Variants in TMEM132D observed in about 807,000 individuals in gnomAD.
TMEM132D encodes the protein transmembrane protein 132D.
In TMEM132D, 21 loss-of-function variants were observed where a neutral mutation model predicts 62.3. That is an observed-to-expected ratio of 0.34 (90% CI 0.24 to 0.49). The LOEUF (loss-of-function observed/expected upper bound fraction) is 0.49. Ranked by LOEUF, TMEM132D falls within the 20% of genes least tolerant of loss-of-function variation. The probability of loss-of-function intolerance (pLI) is 0.99; values close to 1 mark genes in which losing one functional copy is unlikely to be tolerated. For missense variants in TMEM132D, 1,346 were observed against 1,402.8 expected (o/e 0.96, Z 0.65); for synonymous variants, 621 against 575.6 (o/e 1.08, Z -1.13).
At chr12:129,883,341 CTGAA>C (rs1874661779) in intron 1 of TMEM132D, among the ~76,000 whole-genome samples, 1 of 152,144 alleles carries the variant, frequency 6.6e-6, no homozygotes, top group African/African-American at 2.4e-5. Flanking sequence ...CATCTGTAGG[CTGAA>C]ACTAAAACAG....
chr12:129,537,015 A>G (rs12426453), intron 2 of TMEM132D, among the ~76,000 whole-genome samples: 71,560 of 151,694 alleles, frequency 0.47, 17,368 homozygotes, highest in African/African-American at 0.59. Context: ...AATTAGCCAG[A>G]TGTGGTGGTG....
chr12:129,484,722 C>A (rs1337552600), intron 3 of TMEM132D, among the ~76,000 whole-genome samples: 1 of 152,212 alleles, frequency 6.6e-6, no homozygotes, highest in Non-Finnish European at 1.5e-5. Context: ...TCATTTAAGG[C>A]ATGCTCTCCA....
chr12:129,549,174 C>T lies in TMEM132D; in HGVS notation c.969-17969G>A, dbSNP rs138516574. On this transcript the variant is annotated intron_variant, in intron 2 of 8. Transcript: ENST00000422113. ...GGGGGTGGTTCCCCCCTACTGTTCT[C>T]GTGGTAGTGAATAAGTCTCATGGGA... is the stretch of plus-strand genomic sequence containing the variant. 2.7e-3 allele frequency among the ~76,000 whole-genome samples: 414 copies of T among 151,186 alleles called. 1 individual carries two copies. Among genetic ancestry groups the T allele is most frequent in the Admixed American group, 5.4e-3 (82 of 15,124 alleles).
At chr12:129,444,655 T>C (rs1873042237) in intron 3 of TMEM132D, among the ~76,000 whole-genome samples, 1 of 152,062 alleles carries the variant, frequency 6.6e-6, no homozygotes, top group South Asian at 2.1e-4. Flanking sequence ...TGTTCCCCTC[T>C]CTTTGTCCGT....
intron 4 of TMEM132D, among the ~76,000 whole-genome samples, chr12:129,294,124 C>T (rs1033517953): frequency 1.2e-4 from 19 of 152,256 alleles, no homozygotes; most frequent in African/African-American, 4.3e-4. Context: ...TATGGATCAT[C>T]AATATTTATA....
chr12:129,548,890 C>G (rs973028186), intron 2 of TMEM132D, among the ~76,000 whole-genome samples: 1 of 152,266 alleles, frequency 6.6e-6, no homozygotes, highest in Non-Finnish European at 1.5e-5. Context: ...ATTTAAAAAG[C>G]TTCCAAAGAC....
intron 3 of TMEM132D, among the ~76,000 whole-genome samples, chr12:129,464,315 T>C (rs967573514): frequency 8.3e-4 from 126 of 152,324 alleles, no homozygotes; most frequent in Non-Finnish European, 1.3e-3. Context: ...CACTTTTTGA[T>C]GGGGTTGTTT....
chr12:129,219,914 G>A (rs78497815), intron 4 of TMEM132D, among the ~76,000 whole-genome samples: 1,990 of 152,196 alleles, frequency 0.013, 36 homozygotes, highest in African/African-American at 0.045. Flanking sequence ...AGCACAGTTC[G>A]CCTCTGTCTG....
At chr12:129,736,623 A>AT (rs1869433102) in intron 1 of TMEM132D, among the ~76,000 whole-genome samples, 1 of 151,230 alleles carries the variant, frequency 6.6e-6, no homozygotes, top group South Asian at 2.1e-4. Context: ...TTGAAAAAAA[A>AT]ACTTTCTAAT....
chr12:129,161,124 C>T (rs1379085643), intron 5 of TMEM132D, among the ~76,000 whole-genome samples: 1 of 152,160 alleles, frequency 6.6e-6, no homozygotes, highest in African/African-American at 2.4e-5. Context: ...TGGGTATGTG[C>T]CTGCTTCCTT....
At chr12:129,188,145 C>T (rs141844483) in intron 5 of TMEM132D, among the ~76,000 whole-genome samples, 38 of 152,294 alleles carry the variant, frequency 2.5e-4, no homozygotes, top group Admixed American at 1.4e-3. Flanking sequence ...ATCCCTTGAA[C>T]GTGGACATGG....
At chr12:129,482,231 G>A (rs1874449822) in intron 3 of TMEM132D, among the ~76,000 whole-genome samples, 1 of 152,186 alleles carries the variant, frequency 6.6e-6, no homozygotes, top group East Asian at 1.9e-4. Context: ...GCATCATTGT[G>A]TGTAGCGTGG....
chr12:129,446,609 T>C (rs1189715610), intron 3 of TMEM132D, among the ~76,000 whole-genome samples: 2 of 152,204 alleles, frequency 1.3e-5, no homozygotes, highest in African/African-American at 4.8e-5. Context: ...CTTGAAGATC[T>C]CAGTCCTCCC....
intron 1 of TMEM132D, among the ~76,000 whole-genome samples, chr12:129,828,714 G>GGGAGGAAAGGAGGGAGGGAGGAAA (rs1872731888): frequency 6.2e-5 from 1 of 16,236 alleles, no homozygotes; most frequent in Non-Finnish European, 1.2e-4. Context: ...GGAGAAGGAA[G>GGGAGGAAAGGAGGGAGGGAGGAAA]GGAGGAAAGG....
Position 129,660,267 on chromosome 12 carries a change from T to G in TMEM132D, c.968+39543A>C, listed in dbSNP as rs73432243. 6.7e-3 allele frequency among the ~76,000 whole-genome samples: 1,013 copies of G among 152,236 alleles called. 8 individuals are homozygous for G. Among genetic ancestry groups the G allele is most frequent in the African/African-American group, 0.021 (878 of 41,540 alleles). On this transcript the variant is annotated intron_variant, in intron 2 of 8. Transcript: ENST00000422113. ...CAATTCATTTTGTAACCAAATGCTC[T>G]GAGACCTCCTAGAGAAGCACACAGT...
rs1881356747 is a variant in TMEM132D at position 129,700,352 on chromosome 12, C to G, written c.426G>C (p.Arg142=). The change falls in exon 2 of 9, where the codon CGG becomes CGC. Residue 142 remains arginine (R), a synonymous_variant. Transcript: ENST00000422113. The stretch of plus-strand genomic sequence containing the variant: ...TGTGGAACAGAACCTGCACTTTGGG[C>G]CGGCTCAGGTAGACTTTGTCCCGCA... ...HILRDKVYLS[R]PKVQVLFHIM... is the part of the protein sequence containing the mutation. The G allele has an allele frequency of 6.2e-7, 1 of 1,614,008 alleles. No homozygotes were observed. The highest frequency in any genetic ancestry group is 1.1e-5 in the South Asian group (1 of 91,080).
chr12:129,863,858 G>T (rs1452920216), intron 1 of TMEM132D, among the ~76,000 whole-genome samples: 1 of 152,126 alleles, frequency 6.6e-6, no homozygotes, highest in Non-Finnish European at 1.5e-5. Context: ...CTGCCCACAA[G>T]AACTAATATA....
intron 2 of TMEM132D, among the ~76,000 whole-genome samples, chr12:129,626,160 C>G (rs1879207745): frequency 6.6e-6 from 1 of 152,008 alleles, no homozygotes; most frequent in African/African-American, 2.4e-5. Context: ...GCAGGTTCTT[C>G]TCTGCTCAAC....
intron 2 of TMEM132D, among the ~76,000 whole-genome samples, chr12:129,580,082 G>T (rs1877799654): frequency 1.3e-5 from 2 of 152,142 alleles, no homozygotes; most frequent in African/African-American, 4.8e-5. Flanking sequence ...GGCCTTAAGG[G>T]GTCAGTGCAG....
Sources: allele counts gnomAD v4.1 joint callset (sites outside exome capture counted in the v4.1 genomes callset), GRCh38; gene constraint gnomAD v4.1.1; transcripts MANE v1.5; gene names NCBI Gene and HGNC (gene_info 2026-07-23, HGNC 2026-07-21).